The following SEMA3A variants were observed in gnomAD, a reference collection of about 807,000 sequenced individuals.
The protein encoded by SEMA3A is semaphorin-3A.
Under a neutral mutation model 97.9 loss-of-function variants are expected in SEMA3A, and 29 were observed. That is an observed-to-expected ratio of 0.30 (90% confidence interval 0.22 to 0.40). SEMA3A has a LOEUF of 0.40. Among genes scored for constraint, SEMA3A ranks in the 10% least tolerant of loss-of-function variants. The probability of loss-of-function intolerance (pLI) is 1.00; values close to 1 mark genes in which losing one functional copy is unlikely to be tolerated. For missense variants in SEMA3A, 763 were observed against 951.3 expected (o/e 0.80, Z 2.60); for synonymous variants, 321 against 323.7 (o/e 0.99, Z 0.09).
chr7:83,992,286 T>A (rs867809586), intron 12 of SEMA3A, among the ~76,000 whole-genome samples: 9,117 of 141,848 alleles, frequency 0.064, 399 homozygotes, highest in Middle Eastern at 0.14. Context: ...GATTCATTCA[T>A]TTTTTGAAGG....
At chr7:84,486,349 T>C (rs1383945168) in intron 1 of SEMA3A, among the ~76,000 whole-genome samples, 2 of 152,148 alleles carry the variant, frequency 1.3e-5, no homozygotes, top group African/African-American at 4.8e-5. Flanking sequence ...GATCGTGCCA[T>C]TGCATTCCAG....
intron 4 of SEMA3A, among the ~76,000 whole-genome samples, chr7:84,060,922 G>A (rs868081911): frequency 3.3e-5 from 5 of 152,142 alleles, no homozygotes; most frequent in Non-Finnish European, 5.9e-5. Context: ...TAAATAAAAT[G>A]ACTCATTTCC....
chr7:84,295,557 C>T (rs997585179), intron 3 of SEMA3A, among the ~76,000 whole-genome samples: 2 of 151,876 alleles, frequency 1.3e-5, no homozygotes, highest in Non-Finnish European at 2.9e-5. Flanking sequence ...GACAAATCAG[C>T]CTGCCTTTCT....
intron 12 of SEMA3A, among the ~76,000 whole-genome samples, chr7:83,987,221 G>A (rs1425425081): frequency 6.6e-6 from 1 of 151,590 alleles, no homozygotes; most frequent in Non-Finnish European, 1.5e-5. Context: ...TTGCAGGTTT[G>A]GGGCAAGAGT....
intron 1 of SEMA3A, among the ~76,000 whole-genome samples, chr7:84,443,313 T>G (rs1471545878): frequency 6.6e-6 from 1 of 152,148 alleles, no homozygotes; most frequent in Non-Finnish European, 1.5e-5. Context: ...AATTAAAAGA[T>G]AAGAATTAAA....
intron 2 of SEMA3A, among the ~76,000 whole-genome samples, chr7:84,353,019 C>T (rs1802472276): frequency 6.6e-6 from 1 of 151,716 alleles, no homozygotes; most frequent in Non-Finnish European, 1.5e-5. Flanking sequence ...ATAACAAAGT[C>T]CACAGAATCT....
chr7:83,974,252 TTTCACC>T (rs1420164223), intron 15 of SEMA3A, among the ~76,000 whole-genome samples: 13 of 152,116 alleles, frequency 8.5e-5, no homozygotes, highest in Non-Finnish European at 1.6e-4. Context: ...GATTTTTCTG[TTTCACC>T]TGGCCTAGTT....
At chr7:84,420,507 G>C (rs1208248609) in intron 1 of SEMA3A, among the ~76,000 whole-genome samples, 1 of 151,904 alleles carries the variant, frequency 6.6e-6, no homozygotes, top group Non-Finnish European at 1.5e-5. Flanking sequence ...TATCCAGTCT[G>C]AAAAACAGAA....
intron 3 of SEMA3A, among the ~76,000 whole-genome samples, chr7:84,246,372 C>T (rs1799477237): frequency 6.6e-6 from 1 of 152,144 alleles, no homozygotes; most frequent in African/African-American, 2.4e-5. Flanking sequence ...CACTTGACAA[C>T]ATAAAATCTT....
chr7:84,235,322 T>C (rs1056103571), intron 3 of SEMA3A, among the ~76,000 whole-genome samples: 1 of 152,070 alleles, frequency 6.6e-6, no homozygotes, highest in Admixed American at 6.6e-5. Context: ...TATGATTATA[T>C]ACATGACTTT....
chr7:84,084,545 T>G (rs1175937484), intron 4 of SEMA3A, among the ~76,000 whole-genome samples: 1 of 148,050 alleles, frequency 6.8e-6, no homozygotes, highest in Non-Finnish European at 1.5e-5. Flanking sequence ...GAAAAAAAAA[T>G]AGGTAAAATC....
chr7:84,308,106 A>G (rs1801210103), intron 2 of SEMA3A, among the ~76,000 whole-genome samples: 1 of 152,124 alleles, frequency 6.6e-6, no homozygotes, highest in Non-Finnish European at 1.5e-5. Flanking sequence ...AGAAAAAAAG[A>G]TACAGGTTCT....
intron 3 of SEMA3A, among the ~76,000 whole-genome samples, chr7:84,249,404 T>TATCTATCTATCTATCTATCTATCTA (rs1554351595): frequency 2.0e-5 from 3 of 152,068 alleles, no homozygotes. Flanking sequence ...TCTATCTATC[T>TATCTATCTATCTATCTATCTATCTA]ATCTATCTAT....
At position 84,000,020 on chromosome 7, in the gene SEMA3A, A is replaced by G. The variant is rs146668369; in HGVS notation, c.1452+1935T>C. On this transcript the variant is annotated intron_variant, in intron 12 of 16. Coordinates refer to ENST00000265362, the MANE Select transcript of SEMA3A (RefSeq NM_006080.3). ...TTGTATTTATTTCATTTTTTCATCA[A>G]TACTAATTCATTCACTCATTTAATA... Among the ~76,000 whole-genome samples the G allele has an allele frequency of 3.2e-3, 483 of 152,160 alleles. 3 individuals carry two copies. The highest frequency in any genetic ancestry group is 0.011 in the African/African-American group (450 of 41,542).
At chr7:84,328,696 C>T (rs1801832740) in intron 2 of SEMA3A, among the ~76,000 whole-genome samples, 1 of 151,836 alleles carries the variant, frequency 6.6e-6, no homozygotes, top group African/African-American at 2.4e-5. Context: ...CATTTCCTTC[C>T]TTTGTTCATT....
intron 6 of SEMA3A, among the ~76,000 whole-genome samples, chr7:84,044,955 G>A (rs757859238): frequency 2.0e-5 from 3 of 152,026 alleles, no homozygotes; most frequent in Non-Finnish European, 4.4e-5. Context: ...ACTACCACAT[G>A]GAAAATTATA....
At chr7:84,142,373 A>G (rs1204887249) in intron 1 of SEMA3A, among the ~76,000 whole-genome samples, 2 of 152,182 alleles carry the variant, frequency 1.3e-5, no homozygotes, top group African/African-American at 4.8e-5. Context: ...AAAAAAGGCT[A>G]ACTATAGTTA....
intron 1 of SEMA3A, among the ~76,000 whole-genome samples, chr7:84,181,189 G>A (rs936840029): frequency 5.9e-5 from 9 of 151,438 alleles, no homozygotes; most frequent in South Asian, 2.1e-4. Flanking sequence ...TTGAATTTGC[G>A]TTGTTTTAAT....
At chr7:84,123,600 T>C (rs1042894611) in intron 3 of SEMA3A, among the ~76,000 whole-genome samples, 2 of 150,778 alleles carry the variant, frequency 1.3e-5, no homozygotes, top group Non-Finnish European at 3.0e-5. Context: ...CACATGCATG[T>C]ACATGCATGC....
Sources: gnomAD v4.1 joint callset for allele counts (sites outside exome capture counted in the v4.1 genomes callset) on GRCh38, gnomAD v4.1.1 for gene constraint, MANE v1.5 for transcripts, NCBI Gene and HGNC (gene_info 2026-07-23, HGNC 2026-07-21) for gene names.